The following MCM8 variants were observed in gnomAD, a reference collection of about 807,000 sequenced individuals.
The protein encoded by MCM8 is DNA helicase MCM8.
A neutral mutation model predicts 98.9 loss-of-function variants in MCM8; 85 were observed. That is an observed-to-expected ratio of 0.86 (90% CI 0.72 to 1.03). The LOEUF is 1.03. MCM8 is among the 50% of genes least tolerant of loss of function. The probability of loss-of-function intolerance (pLI) is 0.00; values close to 1 mark genes in which losing one functional copy is unlikely to be tolerated. For synonymous variants in MCM8, 352 were observed against 338.6 expected (o/e 1.04, Z -0.44); for missense variants, 951 against 997.8 (o/e 0.95, Z 0.63).
chr20:5,973,627 A>G (rs940010299), intron 12 of MCM8, among the ~76,000 whole-genome samples: 2 of 152,118 alleles, frequency 1.3e-5, no homozygotes, highest in Non-Finnish European at 2.9e-5. Flanking sequence ...CTGTCTGTAT[A>G]TATCTCCACT....
intron 17 of MCM8, chr20:5,991,137 C>T (rs1463059498): frequency 2.0e-5 from 3 of 152,318 alleles, no homozygotes; most frequent in Admixed American, 1.3e-4. Flanking sequence ...TAGACGTCAC[C>T]TCAACTGTTT....
rs182887078 is a variant in MCM8 at position 5,963,462 on chromosome 20, A to G, written c.875+103A>G. ...ATATTGTACGTTTTATCTAAATGAC[A>G]AAGTGTATAATAGTGTATAATAGAT... On this transcript the variant is annotated intron_variant, in intron 8 of 18. Coordinates refer to ENST00000610722, the MANE Select transcript of MCM8 (RefSeq NM_032485.6). The G allele has an allele frequency of 7.2e-4, 574 of 802,322 alleles. 3 individuals are homozygous for G. The African/African-American group carries it at 8.7e-3, about 12-fold the overall frequency. The allele number at this position is 802,322 out of a possible 1,614,324, so 49.7% of individuals were successfully genotyped here. A position where few individuals can be genotyped will look rare whatever the true frequency, so the allele number is the denominator to read the frequency against.
intron 17 of MCM8, among the ~76,000 whole-genome samples, chr20:5,989,905 A>G (rs1305193932): frequency 6.6e-6 from 1 of 152,224 alleles, no homozygotes; most frequent in Non-Finnish European, 1.5e-5. Flanking sequence ...TGAAAGCTTT[A>G]AAGATTCTAG....
At position 5,973,067 on chromosome 20, in the gene MCM8, AGGTTTGGCATT is replaced by A; in HGVS notation, c.1267_1277del (p.Gly423SerfsTer12). 1 of 1,614,066 alleles carries A rather than the reference AGGTTTGGCATT, an allele frequency of 6.2e-7. No individual in the cohort carries two copies. The highest frequency in any genetic ancestry group is 8.5e-7 in the Non-Finnish European group (1 of 1,179,922). ...TTTTCGCACTTGAGCTTGTTAAAGC[AGGTTTGGCATT>A]AGCACTCTTTGGAGGAAGCCAGAAA... On this transcript the variant is annotated frameshift_variant, in exon 12 of 19. Transcript: ENST00000610722. LOFTEE classifies it high-confidence loss of function.
intron 13 of MCM8, among the ~76,000 whole-genome samples, chr20:5,980,976 G>A (rs2089617730): frequency 6.6e-6 from 1 of 151,742 alleles, no homozygotes; most frequent in Non-Finnish European, 1.5e-5. Context: ...GTGTGTTTTA[G>A]TACAGTCCAC....
At chr20:5,994,248 A>T (rs762192786) in intron 18 of MCM8, 51 bp from the exon 19 acceptor site, 1 of 1,036,092 alleles carries the variant, frequency 9.7e-7, no homozygotes, top group Non-Finnish European at 1.4e-6. Context: ...TTTAAAAGTA[A>T]TATTTTGACA....
chr20:5,963,160 C>G (rs1317897549), intron 7 of MCM8, 114 bp from the exon 8 acceptor site: 2 of 735,036 alleles, frequency 2.7e-6, no homozygotes, highest in African/African-American at 3.5e-5. Flanking sequence ...ACTTTACTAG[C>G]ATCCTGAGAC....
chr20:5,953,553 A>G (rs984633325), intron 3 of MCM8, among the ~76,000 whole-genome samples: 5 of 151,558 alleles, frequency 3.3e-5, no homozygotes, highest in Non-Finnish European at 7.4e-5. Context: ...GGCTCACTGC[A>G]AGCTCTGCCT....
intron 15 of MCM8, among the ~76,000 whole-genome samples, chr20:5,985,441 C>CAA (rs59820663): frequency 4.3e-4 from 40 of 92,710 alleles, no homozygotes; most frequent in South Asian, 4.1e-3. Context: ...GAGACTGTCT[C>CAA]AAAAAAAAAA....
Position 5,967,835 on chromosome 20 carries a change from C to G in MCM8, c.1033C>G (p.Arg345Gly). The G allele has an allele frequency of 6.3e-7, 1 of 1,599,668 alleles. No homozygotes were observed. Residue 345 changes from arginine (R) to glycine (G), a missense_variant, in exon 10 of 19, where the codon CGA becomes GGA. Physicochemically the swap from Arg to Gly is moderately radical, Grantham distance 125. Transcript: ENST00000610722. ...VKVSNAEEGS[R>G]NKNDKCMFLL... The stretch of plus-strand genomic sequence containing the variant: ...TTAACACTTTTAATTTACAGGTTCT[C>G]GAAATAAGAATGACAAGTGTATGTT...
intron 13 of MCM8, among the ~76,000 whole-genome samples, chr20:5,981,481 A>G (rs982590951): frequency 3.9e-5 from 6 of 152,226 alleles, no homozygotes; most frequent in African/African-American, 1.2e-4. Flanking sequence ...GAAAGGTGGC[A>G]CAAAGTTCAA....
chr20:5,978,252 A>G (rs2089555254), intron 13 of MCM8, among the ~76,000 whole-genome samples: 1 of 152,196 alleles, frequency 6.6e-6, no homozygotes, highest in Non-Finnish European at 1.5e-5. Flanking sequence ...CGATACAAGT[A>G]TATGTAAAAA....
intron 15 of MCM8, among the ~76,000 whole-genome samples, chr20:5,985,367 C>G (rs1029346230): frequency 6.7e-6 from 1 of 149,838 alleles, no homozygotes; most frequent in Non-Finnish European, 1.5e-5. Flanking sequence ...TTGCTTGAAC[C>G]TGGGAGGCGG....
intron 7 of MCM8, 67 bp from the exon 8 acceptor site, chr20:5,963,207 T>C (rs2089191617): frequency 1.7e-6 from 2 of 1,211,610 alleles, no homozygotes; most frequent in Non-Finnish European, 2.4e-6. Flanking sequence ...ATGTTTTAAC[T>C]GAATTTTCCT....
chr20:5,984,023 A>G (rs1004700351), intron 14 of MCM8, among the ~76,000 whole-genome samples: 5 of 152,242 alleles, frequency 3.3e-5, no homozygotes, highest in Admixed American at 1.3e-4. Context: ...GCACATTAAC[A>G]AACTTAAATA....
At position 5,971,580 on chromosome 20, in the gene MCM8, A is replaced by G. The variant is rs1222115814; in HGVS notation, c.1224-427A>G. 2.0e-5 allele frequency among the ~76,000 whole-genome samples: 3 copies of G among 152,224 alleles called. No individual in the cohort carries two copies. In the East Asian group the frequency reaches 5.8e-4, roughly 29 times the overall value. On this transcript the variant is annotated intron_variant, in intron 10 of 18. Coordinates refer to ENST00000610722, the MANE Select transcript of MCM8 (RefSeq NM_032485.6). ...CTTGAACTGAAAAAAATGAAATTTT[A>G]TCCCATCTTAGAGTATTATATACTG...
chr20:5,993,850 A>G (rs2122853498), intron 18 of MCM8, 155 bp downstream of exon 18: 1 of 568,932 alleles, frequency 1.8e-6, no homozygotes, highest in African/African-American at 1.9e-5. Context: ...CATTGTAGTA[A>G]GACAGTCTCT....
At chr20:5,960,843 G>C (rs376449062) in intron 7 of MCM8, among the ~76,000 whole-genome samples, 4 of 152,322 alleles carry the variant, frequency 2.6e-5, no homozygotes, top group African/African-American at 9.6e-5. Context: ...GCTGAGGCCG[G>C]AGAATCGCTT....
chr20:5,959,524 T>A (rs1301605428), intron 7 of MCM8, among the ~76,000 whole-genome samples: 1 of 152,156 alleles, frequency 6.6e-6, no homozygotes, highest in Non-Finnish European at 1.5e-5. Flanking sequence ...AATTCTTTCA[T>A]TTTTACTATT....
Sources: allele counts gnomAD v4.1 joint callset (sites outside exome capture counted in the v4.1 genomes callset), GRCh38; gene constraint gnomAD v4.1.1; transcripts MANE v1.5; gene names NCBI Gene and HGNC (gene_info 2026-07-23, HGNC 2026-07-21).